Variants in ZBTB25 observed in about 807,000 individuals in gnomAD.
The protein encoded by ZBTB25 is zinc finger and BTB domain containing 25.
ZBTB25 carries 20 observed loss-of-function variants against 34.2 expected under a neutral mutation model. The observed-to-expected ratio is 0.58, with a 90% CI of 0.41 to 0.85. ZBTB25 has a LOEUF of 0.85. Among genes scored for constraint, ZBTB25 ranks in the 40% least tolerant of loss-of-function variants. The probability of loss-of-function intolerance (pLI) is 0.00; values close to 1 mark genes in which losing one functional copy is unlikely to be tolerated. For missense variants in ZBTB25, 437 were observed against 521.8 expected, an observed-to-expected ratio of 0.84 and a Z score of 1.58; for synonymous variants, 175 against 186.4, an observed-to-expected ratio of 0.94 and a Z score of 0.50.
chr14:64,476,524 T>C (rs1314409971), downstream of ZBTB25, among the ~76,000 whole-genome samples: 1 of 152,192 alleles, frequency 6.6e-6, no homozygotes, highest in East Asian at 1.9e-4. Context: ...GGTTTCACCA[T>C]GTTGGCCAGA....
chr14:64,453,879 T>C (rs1238025250), intron 2 of ZBTB25: 9 of 1,507,424 alleles, frequency 6.0e-6, no homozygotes, highest in Non-Finnish European at 7.4e-6. Flanking sequence ...TTTGGTTAGT[T>C]TGTCCTTTCA....
At chr14:64,491,427 C>G (rs1032077322) in intron 1 of ZBTB25, among the ~76,000 whole-genome samples, 1 of 152,170 alleles carries the variant, frequency 6.6e-6, no homozygotes, top group Non-Finnish European at 1.5e-5. Context: ...GATCACACCA[C>G]TGCACTCCAG....
intron 1 of ZBTB25, among the ~76,000 whole-genome samples, chr14:64,493,574 C>T (rs1027601812): frequency 6.6e-6 from 1 of 152,032 alleles, no homozygotes; most frequent in African/African-American, 2.4e-5. Flanking sequence ...TAGGAGCCTA[C>T]TATGGTATCA....
upstream of ZBTB25, chr14:64,504,801 C>T (rs1343910378): frequency 1.0e-5 from 4 of 386,182 alleles, no homozygotes; most frequent in Non-Finnish European, 1.8e-5. Flanking sequence ...GAGCCAGAGC[C>T]TCTCCGCGCA....
chr14:64,490,085 G>A (rs559885221), intron 2 of ZBTB25, among the ~76,000 whole-genome samples: 6 of 150,402 alleles, frequency 4.0e-5, no homozygotes, highest in Admixed American at 4.0e-4. Context: ...GCAGGCGCCT[G>A]TAATCCCAGG....
intron 2 of ZBTB25, chr14:64,465,591 G>A (rs2078604313): frequency 6.6e-6 from 1 of 152,148 alleles, no homozygotes; most frequent in Non-Finnish European, 1.5e-5. Context: ...GAGCAGTGTT[G>A]GCCAAGGACC....
intron 2 of ZBTB25, chr14:64,472,460 A>T (rs183215093): frequency 2.5e-4 from 42 of 167,126 alleles, no homozygotes; most frequent in African/African-American, 9.4e-4. Flanking sequence ...TAAGAAAGTA[A>T]AATTTTATCT....
chr14:64,476,968 A>T (rs2078725890), downstream of ZBTB25, among the ~76,000 whole-genome samples: 1 of 152,200 alleles, frequency 6.6e-6, no homozygotes, highest in Non-Finnish European at 1.5e-5. Flanking sequence ...TTTCTCATTA[A>T]GGTATAATTT....
intron 2 of ZBTB25, among the ~76,000 whole-genome samples, chr14:64,458,873 A>T (rs564747088): frequency 6.6e-6 from 1 of 152,292 alleles, no homozygotes; most frequent in South Asian, 2.1e-4. Flanking sequence ...GTCTCTCCTT[A>T]GGCAGACCCT....
intron 2 of ZBTB25, among the ~76,000 whole-genome samples, chr14:64,453,448 A>G (rs909040275): frequency 5.9e-5 from 9 of 152,052 alleles, no homozygotes; most frequent in Non-Finnish European, 1.0e-4. Flanking sequence ...GCGCATGCCT[A>G]TAATCCCAGC....
At chr14:64,503,325 C>T in intron 1 of ZBTB25, 4 of 985,384 alleles carry the variant, frequency 4.1e-6, no homozygotes, top group Non-Finnish European at 4.8e-6. Flanking sequence ...GGCCGCAGGC[C>T]TACTGGGGTT....
chr14:64,504,846 C>A (rs981172455), upstream of ZBTB25: 3 of 396,086 alleles, frequency 7.6e-6, no homozygotes, highest in African/African-American at 2.1e-5. Flanking sequence ...CGCGCCGCCG[C>A]CACTGCAGCT....
intron 2 of ZBTB25, among the ~76,000 whole-genome samples, chr14:64,466,870 T>C (rs980304478): frequency 1.3e-5 from 2 of 152,228 alleles, no homozygotes; most frequent in Admixed American, 1.3e-4. Flanking sequence ...CATTCTTTGG[T>C]GCCATCATAC....
chr14:64,460,851 C>T (rs1238155142), intron 2 of ZBTB25: 1 of 151,954 alleles, frequency 6.6e-6, no homozygotes, highest in Non-Finnish European at 1.5e-5. Flanking sequence ...CATGGTAAAA[C>T]CCTGTTTCTA....
At position 64,487,034 on chromosome 14, in the gene ZBTB25, C is replaced by T. The variant is rs748562589; in HGVS notation, c.1197G>A (p.Trp399Ter). 23 of 1,614,174 alleles carry T rather than the reference C, an allele frequency of 1.4e-5. No individual in the cohort carries two copies. The East Asian group carries it at 2.7e-4, about 19-fold the overall frequency. Reference sequence around the variant, plus strand: ...GAGAACTTTTCAGGGAGACATCAGACCAGCTGTCACAGTATGGCTGAAATC... The same window carrying T: ...GAGAACTTTTCAGGGAGACATCAGATCAGCTGTCACAGTATGGCTGAAATC... ...AQRFQPYCDS[W>*]SDVSLKSSRL... Residue 399 changes from tryptophan to a stop codon, truncating the protein, a stop_gained, in exon 3 of 3, where the codon TGG (tryptophan) becomes TGA (stop). Coordinates refer to ENST00000608382, the MANE Select transcript of ZBTB25 (RefSeq NM_006977.5). LOFTEE classifies it high-confidence loss of function.
rs180962348 is a variant in ZBTB25, at chr14:64,485,533, G to C, written c.*1390C>G. 2.0e-6 allele frequency: 2 copies of C among 985,306 alleles called. No individual in the cohort carries two copies. Among genetic ancestry groups the C allele is most frequent in the Admixed American group, 1.2e-4 (2 of 16,268 alleles). The allele number at this position is 985,306 out of a possible 1,614,324, so 61.0% of individuals were successfully genotyped here. ...TTTCATCAACTTTAATTTTCCTGGG[G>C]TTTTAGCTTTGTAAGTGTCACCATT... On this transcript the variant is annotated 3_prime_UTR_variant, in exon 3 of 3. Transcript: ENST00000608382.
chr14:64,501,547 T>C (rs754765182), intron 1 of ZBTB25, among the ~76,000 whole-genome samples: 1 of 152,240 alleles, frequency 6.6e-6, no homozygotes, highest in African/African-American at 2.4e-5. Flanking sequence ...CTTTATAACT[T>C]ATCAAGATAA....
intron 2 of ZBTB25, among the ~76,000 whole-genome samples, chr14:64,466,416 C>A (rs572779159): frequency 6.6e-6 from 1 of 152,210 alleles, no homozygotes; most frequent in Non-Finnish European, 1.5e-5. Context: ...CAATGACAGA[C>A]TCCTAAACAT....
At chr14:64,468,636 C>T in intron 2 of ZBTB25, 1 of 1,613,936 alleles carries the variant, frequency 6.2e-7, no homozygotes, top group East Asian at 2.2e-5. Flanking sequence ...GCCTGGGCCT[C>T]ACTCAAACGT....
Sources: allele counts gnomAD v4.1 joint callset (sites outside exome capture counted in the v4.1 genomes callset), GRCh38; gene constraint gnomAD v4.1.1; transcripts MANE v1.5; gene names NCBI Gene and HGNC (gene_info 2026-07-23, HGNC 2026-07-21).